The following SEPTIN4 variants were observed in gnomAD, a reference collection of about 807,000 sequenced individuals.
The protein encoded by SEPTIN4 is septin 4, also known as septin-4.
SEPTIN4 carries 52 observed loss-of-function variants against 107.1 expected under a neutral mutation model. The observed-to-expected ratio is 0.49, with a 90% CI of 0.39 to 0.61. The LOEUF (loss-of-function observed/expected upper bound fraction) is 0.61, where lower values mean the gene tolerates loss of function less well. SEPTIN4 is among the 20% of genes least tolerant of loss of function. The probability of loss-of-function intolerance (pLI) is 0.00; values close to 1 mark genes in which losing one functional copy is unlikely to be tolerated. For missense variants in SEPTIN4, 1,048 were observed against 1,243.5 expected, an observed-to-expected ratio of 0.84 and a Z score of 2.36; for synonymous variants, 417 against 467.0, an observed-to-expected ratio of 0.89 and a Z score of 1.38.
chr17:58,532,210 A>G, intron 3 of SEPTIN4: 1 of 582,810 alleles, frequency 1.7e-6, no homozygotes, highest in Non-Finnish European at 2.2e-6. Flanking sequence ...GCAGCCCGCG[A>G]CCCCCGGATG....
At position 58,526,240 on chromosome 17, in the gene SEPTIN4, T is replaced by C; in HGVS notation, c.1985A>G (p.Asp662Gly). 6.2e-7 allele frequency: 1 copy of C among 1,603,222 alleles called. No individual in the cohort carries two copies. Among genetic ancestry groups the C allele is most frequent in the African/African-American group, 1.3e-5 (1 of 74,434 alleles). The stretch of plus-strand genomic sequence containing the variant: ...TTTACCTGCCACCATGAGGGTAAAG[T>C]CAAAGCCTTTCTTCACGGACTTTCG... ...VHRKSVKKGF[D>G]FTLMVAGESG... Residue 662 changes from aspartate (D) to glycine (G), a missense_variant, in exon 5 of 14, where the codon GAC (aspartate) becomes GGC (glycine). This residue lies in a region of SEPTIN4 where 787 missense variants were observed against 871.8 expected (regional missense o/e 0.90). Transcript: ENST00000672673.
At chr17:58,525,847 C>T in intron 5 of SEPTIN4, 66 bp from the exon 6 acceptor site, 1 of 1,367,240 alleles carries the variant, frequency 7.3e-7, no homozygotes. Flanking sequence ...AGCAACTCCA[C>T]TGGATCAAGG....
At chr17:58,524,319 C>T (rs1205320962) in intron 7 of SEPTIN4, among the ~76,000 whole-genome samples, 4 of 152,106 alleles carry the variant, frequency 2.6e-5, no homozygotes, top group South Asian at 2.1e-4. Flanking sequence ...GCTTTTCTTT[C>T]GGCAGGTAGC....
intron 3 of SEPTIN4, 51 bp from the exon 4 acceptor site, chr17:58,527,029 C>T (rs755015753): frequency 2.0e-5 from 33 of 1,612,766 alleles, no homozygotes; most frequent in Middle Eastern, 1.7e-4. Context: ...GGAAGGGAGC[C>T]GGAAGGGAAG....
intron 3 of SEPTIN4, 124 bp from the exon 4 acceptor site, chr17:58,527,102 A>T: frequency 2.0e-6 from 3 of 1,512,444 alleles, no homozygotes; most frequent in Non-Finnish European, 2.7e-6. Flanking sequence ...TTGTGGTTAG[A>T]AGAAAAAGAA....
In SEPTIN4 at chr17:58,543,483, T is replaced by A; in HGVS notation, c.704A>T (p.Asp235Val). Residue 235 changes from aspartate (D) to valine (V), a missense_variant, in exon 1 of 14, where the codon GAC becomes GTC. Around this residue, in one of 2 missense-constraint regions of SEPTIN4, gnomAD observed 787 missense variants for 871.8 expected, o/e 0.90. Transcript: ENST00000672673. ...GACCCTTCTCTGGGCTGTCTGATAG[T>A]CTGCAGAGACACAGCTGCTTCCGTG... Reference protein sequence around the residue: ...LEHGSSCVSADYQTAQRRVPV... With the variant: ...LEHGSSCVSAVYQTAQRRVPV... 2.5e-6 allele frequency: 4 copies of A among 1,614,214 alleles called. No individual in the cohort carries two copies. The highest frequency in any genetic ancestry group is 3.4e-6 in the Non-Finnish European group (4 of 1,180,040).
At position 58,538,264 on chromosome 17, in the gene SEPTIN4, C is replaced by A. The variant is rs953492368; in HGVS notation, c.1614+2402G>T. On this transcript the variant is annotated intron_variant, in intron 3 of 13. Transcript: ENST00000672673. This position sits in a 1 kb window ranked among gnomAD's most constrained non-coding sequence, Gnocchi z 4.7. ...AAAGCCAACAGGAGGCTGATCATCCCATCCCTTCAGGGTCACATGACATGT... is the reference window on the plus strand; with the variant it reads ...AAAGCCAACAGGAGGCTGATCATCCAATCCCTTCAGGGTCACATGACATGT... Among the ~76,000 whole-genome samples the A allele has an allele frequency of 1.3e-5, 2 of 152,206 alleles. No individual in the cohort carries two copies. Among genetic ancestry groups the A allele is most frequent in the Non-Finnish European group, 2.9e-5 (2 of 68,014 alleles).
chr17:58,526,116 C>A (rs2042836322), intron 5 of SEPTIN4, 104 bp downstream of exon 5: 4 of 1,272,142 alleles, frequency 3.1e-6, no homozygotes, highest in Non-Finnish European at 4.0e-6. Context: ...TACAGCCACT[C>A]GCTGCTTGCT....
At chr17:58,525,435 T>C (rs2042741741) in intron 6 of SEPTIN4, 1 of 618,844 alleles carries the variant, frequency 1.6e-6, no homozygotes, top group Admixed American at 3.0e-5. Flanking sequence ...GCTCCCGGTT[T>C]TTTTCTTGGA....
In SEPTIN4 at chr17:58,521,581, C is replaced by T. The variant is rs116963495; in HGVS notation, c.2535G>A (p.Glu845=). Reference sequence around the variant, plus strand: ...GGTCCTGCAATTTGAAGTCCTCATCCTCATCAGAGTCACAGTCTGGGAATT... The same window carrying T: ...GGTCCTGCAATTTGAAGTCCTCATCTTCATCAGAGTCACAGTCTGGGAATT... ...IYQFPDCDSD[E]DEDFKLQDQA... Residue 845 remains glutamate (E), a synonymous_variant, in exon 10 of 14, where the codon GAG becomes GAA. Coordinates refer to ENST00000672673, the MANE Select transcript of SEPTIN4 (RefSeq NM_001368771.2). The surrounding 1 kb of genome is among the most constrained non-coding windows in gnomAD (Gnocchi z 6.4). 869 of 1,614,236 alleles carry T rather than the reference C, an allele frequency of 5.4e-4. 6 individuals carry two copies. The East Asian group carries it at 7.0e-3, about 13-fold the overall frequency.
chr17:58,542,495 T>C (rs1283561595), intron 1 of SEPTIN4, 131 bp downstream of exon 1: 15 of 1,259,428 alleles, frequency 1.2e-5, no homozygotes, highest in Non-Finnish European at 1.6e-5. Context: ...GGCTCAAGGA[T>C]AGGACTAGCT....
intron 12 of SEPTIN4, 64 bp downstream of exon 12, chr17:58,520,934 G>C: frequency 1.2e-6 from 2 of 1,611,876 alleles, no homozygotes; most frequent in Non-Finnish European, 1.7e-6. Context: ...AGTAGGGCTT[G>C]GTCTCACCCA....
chr17:58,520,858 G>T lies in SEPTIN4; in HGVS notation c.2832-16C>A. ...AGTCAGTTTGCTAAAGGGAGAAAAG[G>T]GTTGATAAGGCGAGGAGGACCCCAG... On this transcript the variant is annotated splice_polypyrimidine_tract_variant and intron_variant, in intron 12 of 13. Coordinates refer to ENST00000672673, the MANE Select transcript of SEPTIN4 (RefSeq NM_001368771.2). 1 of 1,614,036 alleles carries T rather than the reference G, an allele frequency of 6.2e-7. No individual in the cohort carries two copies. Among genetic ancestry groups the T allele is most frequent in the South Asian group, 1.1e-5 (1 of 91,038 alleles).
chr17:58,526,880 C>G lies in SEPTIN4; in HGVS notation c.1713G>C (p.Lys571Asn). The G allele has an allele frequency of 6.2e-7, 1 of 1,614,068 alleles. No individual in the cohort carries two copies. The highest frequency in any genetic ancestry group is 8.5e-7 in the Non-Finnish European group (1 of 1,180,020). Residue 571 changes from lysine to asparagine, a missense_variant, in exon 4 of 14, where the codon AAG (lysine) becomes AAC (asparagine). Coordinates refer to ENST00000672673, the MANE Select transcript of SEPTIN4 (RefSeq NM_001368771.2). ...GNASCHPPEA[K>N]TWASRPQVPE... is the part of the protein sequence containing the mutation. ...GGACTTGGGGCCTGGATGCCCAGGT[C>G]TTAGCCTCTGGTGGGTGGCAGCTCG...
chr17:58,529,497 A>T, intron 3 of SEPTIN4: 3 of 1,235,734 alleles, frequency 2.4e-6, no homozygotes, highest in Non-Finnish European at 1.0e-6. Context: ...CCTGCTGCCT[A>T]CCCTGGTGGG....
intron 12 of SEPTIN4, 41 bp from the exon 13 acceptor site, chr17:58,520,883 G>C: frequency 1.2e-6 from 2 of 1,613,786 alleles, no homozygotes; most frequent in East Asian, 2.2e-5. Flanking sequence ...GAGGACCCCA[G>C]CACCCGCTTA....
chr17:58,524,558 CTTCT>C (rs2042622031), intron 7 of SEPTIN4: 1 of 148,808 alleles, frequency 6.7e-6, no homozygotes, highest in Non-Finnish European at 1.5e-5. Context: ...TTTTAAGGCT[CTTCT>C]TTCTTATCTT....
intron 3 of SEPTIN4, chr17:58,527,404 G>A (rs2043036536): frequency 2.8e-6 from 1 of 356,130 alleles, no homozygotes; most frequent in Non-Finnish European, 5.5e-6. Flanking sequence ...AACCCAAAAG[G>A]AGAGTACAGT....
intron 7 of SEPTIN4, among the ~76,000 whole-genome samples, chr17:58,524,140 C>A (rs1841805812): frequency 6.6e-6 from 1 of 152,206 alleles, no homozygotes; most frequent in African/African-American, 2.4e-5. Context: ...AAGCTACCAC[C>A]TTTTCTCCTG....
Sources: allele counts gnomAD v4.1 joint callset (sites outside exome capture counted in the v4.1 genomes callset), GRCh38; gene constraint gnomAD v4.1.1; regional missense constraint gnomAD v4.1.1; non-coding constraint Gnocchi (gnomAD v3.1); transcripts MANE v1.5; gene names NCBI Gene and HGNC (gene_info 2026-07-23, HGNC 2026-07-21).